Variants in MACROH2A1 observed in about 807,000 individuals in gnomAD.
MACROH2A1 encodes the protein core histone macro-H2A.1.
Under a neutral mutation model 31.6 loss-of-function variants are expected in MACROH2A1, and 2 were observed. That is an observed-to-expected ratio of 0.06 (90% CI 0.03 to 0.20). The LOEUF (loss-of-function observed/expected upper bound fraction) is 0.20. Ranked by LOEUF, MACROH2A1 falls within the 10% of genes least tolerant of loss-of-function variation. The pLI is 1.00. For missense variants in MACROH2A1, 230 were observed against 474.0 expected (o/e 0.49, Z 4.78); for synonymous variants, 169 against 189.6 (o/e 0.89, Z 0.89).
chr5:135,387,909 G>C (rs1766640772), intron 2 of MACROH2A1, among the ~76,000 whole-genome samples: 1 of 152,130 alleles, frequency 6.6e-6, no homozygotes, highest in East Asian at 1.9e-4. Flanking sequence ...GAAATGTACA[G>C]AAACTGATGG....
At position 135,398,288 on chromosome 5, in the gene MACROH2A1, A is replaced by AC. The variant is rs898326511; in HGVS notation, c.-34+773dup. Reference sequence around the variant, plus strand: ...CACACTCACCTCCCCACTCCACCCCACCCCCAGCGAGGCTCTTTCCTGCTG... The same window carrying AC: ...CACACTCACCTCCCCACTCCACCCCACCCCCCAGCGAGGCTCTTTCCTGCTG... On this transcript the variant is annotated intron_variant, in intron 1 of 8. Transcript: ENST00000511689. This position sits in a 1 kb window ranked among gnomAD's most constrained non-coding sequence, Gnocchi z 4.6. Among the ~76,000 whole-genome samples the AC allele has an allele frequency of 1.3e-5, 2 of 150,846 alleles. No homozygotes were observed. Among genetic ancestry groups the AC allele is most frequent in the African/African-American group, 4.9e-5 (2 of 40,906 alleles).
intron 2 of MACROH2A1, 28 bp downstream of exon 2, chr5:135,388,894 G>C (rs1766803679): frequency 1.3e-6 from 2 of 1,549,088 alleles, no homozygotes; most frequent in African/African-American, 1.4e-5. Flanking sequence ...TAAGCCAGTG[G>C]TGTCTGGGTT....
intron 6 of MACROH2A1, chr5:135,351,001 G>C: frequency 1.1e-6 from 1 of 873,426 alleles, no homozygotes; most frequent in Non-Finnish European, 1.9e-6. Flanking sequence ...GGCAGGGCTG[G>C]CCTACCTGGT....
At chr5:135,371,131 T>A (rs1335660988) in intron 2 of MACROH2A1, among the ~76,000 whole-genome samples, 1 of 152,230 alleles carries the variant, frequency 6.6e-6, no homozygotes, top group Non-Finnish European at 1.5e-5. Flanking sequence ...GAGGACATTA[T>A]GCTAAGTGAA....
At chr5:135,365,208 C>T (rs949304439) in intron 4 of MACROH2A1, among the ~76,000 whole-genome samples, 15 of 152,082 alleles carry the variant, frequency 9.9e-5, no homozygotes, top group African/African-American at 3.6e-4. Context: ...GAGTAAGGGT[C>T]CCCAGGCTTC....
chr5:135,338,792 T>C lies in MACROH2A1; in HGVS notation c.954-3651A>G, dbSNP rs1266619676. Among the ~76,000 whole-genome samples the C allele has an allele frequency of 3.9e-5, 6 of 152,220 alleles. No individual in the cohort carries two copies. In the East Asian group the frequency reaches 1.2e-3, roughly 29 times the overall value. ...CTGTCCTACAGCTGTGCTGCCTATC[T>C]TTCAGATCAGATGTTGCAGAGCAAG... On this transcript the variant is annotated intron_variant, in intron 8 of 8. Coordinates refer to ENST00000511689, the MANE Select transcript of MACROH2A1 (RefSeq NM_138610.3).
At chr5:135,379,792 G>A (rs1765408240) in intron 2 of MACROH2A1, among the ~76,000 whole-genome samples, 1 of 152,130 alleles carries the variant, frequency 6.6e-6, no homozygotes, top group African/African-American at 2.4e-5. Context: ...GGTCATCCAC[G>A]GAGGACACCT....
intron 6 of MACROH2A1, chr5:135,350,857 C>T (rs1348566159): frequency 8.7e-6 from 14 of 1,613,094 alleles, no homozygotes; most frequent in Non-Finnish European, 1.1e-5. Context: ...CAGTGTTTGT[C>T]GGGTGAACGA....
intron 5 of MACROH2A1, chr5:135,354,369 A>G (rs1761929751): frequency 1.3e-5 from 2 of 152,322 alleles, no homozygotes; most frequent in South Asian, 4.1e-4. Context: ...ATGTGCTTAC[A>G]CTAAGAGTCA....
chr5:135,343,081 T>G (rs1760177903), intron 8 of MACROH2A1, 179 bp downstream of exon 8: 7 of 1,433,762 alleles, frequency 4.9e-6, no homozygotes, highest in Non-Finnish European at 4.7e-6. Context: ...GATTTGGGTC[T>G]CTCTAATTGT....
At chr5:135,364,803 G>A (rs1021204616) in intron 4 of MACROH2A1, among the ~76,000 whole-genome samples, 14 of 152,144 alleles carry the variant, frequency 9.2e-5, no homozygotes, top group African/African-American at 3.1e-4. Context: ...CTTCTCAAAC[G>A]AACCAATTCC....
At chr5:135,387,427 C>T (rs1190286760) in intron 2 of MACROH2A1, among the ~76,000 whole-genome samples, 1 of 152,198 alleles carries the variant, frequency 6.6e-6, no homozygotes, top group African/African-American at 2.4e-5. Flanking sequence ...CTCGGCCTTG[C>T]CTTACTGAGA....
intron 5 of MACROH2A1, 97 bp downstream of exon 5, chr5:135,360,400 G>C (rs1260871039): frequency 1.2e-6 from 1 of 812,392 alleles, no homozygotes; most frequent in Non-Finnish European, 2.1e-6. Context: ...GAGGCTGGGA[G>C]TGGCCCCCGG....
intron 2 of MACROH2A1, among the ~76,000 whole-genome samples, chr5:135,373,187 G>C (rs1456732442): frequency 2.0e-5 from 3 of 152,194 alleles, no homozygotes; most frequent in Non-Finnish European, 2.9e-5. Flanking sequence ...CTGAGAGAAG[G>C]CTCAGTGGCC....
intron 1 of MACROH2A1, among the ~76,000 whole-genome samples, chr5:135,396,816 G>A (rs1486131989): frequency 2.0e-5 from 3 of 152,070 alleles, no homozygotes; most frequent in Non-Finnish European, 4.4e-5. Context: ...AAATCTTTAT[G>A]GAAAGACTCT....
intron 2 of MACROH2A1, among the ~76,000 whole-genome samples, chr5:135,374,354 G>A (rs951351598): frequency 8.5e-5 from 13 of 152,166 alleles, no homozygotes; most frequent in Admixed American, 3.3e-4. Context: ...TGAGGAATTG[G>A]GACAGGGCAC....
intron 1 of MACROH2A1, among the ~76,000 whole-genome samples, chr5:135,395,540 C>T (rs1333491028): frequency 6.6e-6 from 1 of 152,214 alleles, no homozygotes; most frequent in Non-Finnish European, 1.5e-5. Context: ...ACTCCAATCA[C>T]AAAGGCCAAC....
chr5:135,347,121 T>G (rs1760936079), intron 6 of MACROH2A1: 1 of 152,174 alleles, frequency 6.6e-6, no homozygotes, highest in Non-Finnish European at 1.5e-5. Flanking sequence ...CTGGCACAAT[T>G]CTGGTATGGG....
At chr5:135,370,517 G>C (rs891496735) in intron 2 of MACROH2A1, among the ~76,000 whole-genome samples, 1 of 150,042 alleles carries the variant, frequency 6.7e-6, no homozygotes, top group Non-Finnish European at 1.5e-5. Context: ...AGTCCTCAGT[G>C]TGGTCCCTGA....
Sources: allele counts gnomAD v4.1 joint callset (sites outside exome capture counted in the v4.1 genomes callset), GRCh38; gene constraint gnomAD v4.1.1; non-coding constraint Gnocchi (gnomAD v3.1); transcripts MANE v1.5; gene names NCBI Gene and HGNC (gene_info 2026-07-23, HGNC 2026-07-21).